Variants in DOCK8 observed in about 807,000 individuals in gnomAD.
DOCK8 encodes dedicator of cytokinesis 8, also known as dedicator of cytokinesis protein 8.
In DOCK8, 141 loss-of-function variants were observed where a neutral mutation model predicts 245.6. The observed-to-expected ratio is 0.57, with a 90% confidence interval of 0.50 to 0.66. DOCK8 has a LOEUF of 0.66. Ranked by LOEUF, DOCK8 falls within the 30% of genes least tolerant of loss-of-function variation. The pLI, the probability that DOCK8 is intolerant of heterozygous loss-of-function variation, is 0.00. For missense variants in DOCK8, 2,965 were observed against 2,603.4 expected (o/e 1.14, Z -3.02); for synonymous variants, 1,168 against 970.2 (o/e 1.20, Z -3.79).
chr9:286,225 G>A (rs889002154), intron 2 of DOCK8, among the ~76,000 whole-genome samples: 10 of 152,136 alleles, frequency 6.6e-5, no homozygotes, highest in South Asian at 2.1e-4. Context: ...GAAAAATTCC[G>A]CCTTGGGGTG....
At chr9:353,821 G>A (rs964212796) in intron 14 of DOCK8, among the ~76,000 whole-genome samples, 5 of 152,130 alleles carry the variant, frequency 3.3e-5, no homozygotes, top group South Asian at 2.1e-4. Flanking sequence ...TCAAAATGTG[G>A]TGCTTTGGGG....
At chr9:277,434 A>G (rs1022543344) in intron 2 of DOCK8, among the ~76,000 whole-genome samples, 13 of 133,672 alleles carry the variant, frequency 9.7e-5, no homozygotes, top group Non-Finnish European at 1.8e-4. Flanking sequence ...CAGAAAAGAA[A>G]AGAGAAGAGA....
intron 44 of DOCK8, 61 bp from the exon 45 acceptor site, chr9:449,723 G>A (rs2057370920): frequency 5.6e-6 from 9 of 1,610,780 alleles, no homozygotes; most frequent in Non-Finnish European, 7.6e-6. Context: ...CATAGCTCCA[G>A]GCTTGTCCAT....
chr9:268,006 C>T (rs1248603339), intron 1 of DOCK8: 2 of 152,214 alleles, frequency 1.3e-5, no homozygotes, highest in African/African-American at 4.8e-5. Flanking sequence ...ACACACAGAG[C>T]CAATATACAA....
At chr9:427,014 G>A in intron 34 of DOCK8, 33 bp downstream of exon 34, 1 of 1,570,968 alleles carries the variant, frequency 6.4e-7, no homozygotes, top group Non-Finnish European at 8.8e-7. Context: ...CTGATTTGTT[G>A]GCCATGAATA....
At chr9:365,939 T>C in intron 14 of DOCK8, 2 of 267,160 alleles carry the variant, frequency 7.5e-6, no homozygotes, top group South Asian at 3.9e-5. Flanking sequence ...AGTGGCTCAG[T>C]CTTACCGACC....
intron 40 of DOCK8, among the ~76,000 whole-genome samples, chr9:439,914 T>C (rs1457939169): frequency 6.6e-6 from 1 of 152,144 alleles, no homozygotes; most frequent in Admixed American, 6.5e-5. Context: ...GAGACTCCTC[T>C]GGTTAACGTA....
At chr9:356,423 C>G (rs200846813) in intron 14 of DOCK8, among the ~76,000 whole-genome samples, 3 of 151,054 alleles carry the variant, frequency 2.0e-5, no homozygotes, top group Non-Finnish European at 4.4e-5. Context: ...CCAGCTACTC[C>G]GGAGGCTGAG....
At chr9:244,963 C>T (rs904567014) in intron 1 of DOCK8, among the ~76,000 whole-genome samples, 1 of 152,144 alleles carries the variant, frequency 6.6e-6, no homozygotes, top group Admixed American at 6.5e-5. Context: ...AGGGGCAGGG[C>T]AGACCACTGG....
chr9:400,349 C>G (rs867783916), intron 26 of DOCK8, among the ~76,000 whole-genome samples: 1 of 79,516 alleles, frequency 1.3e-5, no homozygotes, highest in African/African-American at 4.6e-5. Flanking sequence ...TCCACCACCA[C>G]CACCTCCTCC....
At chr9:290,193 G>A (rs971851781) in intron 4 of DOCK8, among the ~76,000 whole-genome samples, 13 of 152,034 alleles carry the variant, frequency 8.6e-5, no homozygotes, top group East Asian at 5.8e-4. Context: ...CCCCTAGCCC[G>A]TGGGCAACAT....
At chr9:337,146 C>G (rs2051350941) in intron 12 of DOCK8, among the ~76,000 whole-genome samples, 1 of 152,144 alleles carries the variant, frequency 6.6e-6, no homozygotes, top group African/African-American at 2.4e-5. Flanking sequence ...ATGATTCAAT[C>G]ACGTCTTAAA....
At chr9:286,290 C>A (rs955814641) in intron 2 of DOCK8, among the ~76,000 whole-genome samples, 171 bp from the exon 3 acceptor site, 35 of 152,112 alleles carry the variant, frequency 2.3e-4, no homozygotes, top group African/African-American at 7.7e-4. Context: ...CATTTTTTTC[C>A]ATATCACTAC....
chr9:464,323 C>T lies in DOCK8; in HGVS notation c.*104C>T. 1.0e-6 allele frequency: 1 copy of T among 960,168 alleles called. No individual in the cohort carries two copies. The highest frequency in any genetic ancestry group is 1.7e-6 in the Non-Finnish European group (1 of 585,718). The allele number at this position is 960,168 out of a possible 1,614,324, so 59.5% of individuals were successfully genotyped here. On this transcript the variant is annotated 3_prime_UTR_variant, in exon 48 of 48. Coordinates refer to ENST00000432829, the MANE Select transcript of DOCK8 (RefSeq NM_203447.4). ...TTTGCCACCCAGGACTGACTGTACA[C>T]TCCCTGATCAGCCAGCACTCTGGAA...
At position 368,044 on chromosome 9, in the gene DOCK8, G is replaced by C; in HGVS notation, c.1706G>C (p.Arg569Thr). The C allele has an allele frequency of 6.2e-7, 1 of 1,614,108 alleles. No homozygotes were observed. The highest frequency in any genetic ancestry group is 8.5e-7 in the Non-Finnish European group (1 of 1,179,986). Reference sequence around the variant, plus strand: ...AACCTTCTCTATGTCTACCCACAGAGGCTGAACTTTGTAAACAAACTAGCA... The same window carrying C: ...AACCTTCTCTATGTCTACCCACAGACGCTGAACTTTGTAAACAAACTAGCA... ...YRNLLYVYPQ[R>T]LNFVNKLASA... Residue 569 changes from arginine (R) to threonine (T), a missense_variant, in exon 15 of 48, where the codon AGG (arginine) becomes ACG (threonine). Arg to Thr is a moderately conservative substitution (Grantham distance 71). Transcript: ENST00000432829.
At chr9:355,603 A>G (rs2052399876) in intron 14 of DOCK8, among the ~76,000 whole-genome samples, 1 of 152,186 alleles carries the variant, frequency 6.6e-6, no homozygotes, top group Admixed American at 6.5e-5. Context: ...GGAGTCCCTT[A>G]CTAAACCACA....
intron 9 of DOCK8, among the ~76,000 whole-genome samples, chr9:331,270 C>G (rs62533405): frequency 3.9e-5 from 6 of 152,118 alleles, no homozygotes; most frequent in African/African-American, 1.2e-4. Flanking sequence ...TCAAGTGTTA[C>G]GTGCTTATGT....
At chr9:353,339 T>C (rs1274514940) in intron 14 of DOCK8, among the ~76,000 whole-genome samples, 1 of 152,170 alleles carries the variant, frequency 6.6e-6, no homozygotes, top group Non-Finnish European at 1.5e-5. Context: ...TCCAATACTT[T>C]CTTCCCCAAC....
intron 9 of DOCK8, among the ~76,000 whole-genome samples, chr9:329,424 A>G (rs868061756): frequency 8.5e-5 from 13 of 152,152 alleles, no homozygotes; most frequent in South Asian, 2.1e-4. Flanking sequence ...GAGGTCACTT[A>G]ACAGATGGCA....
Sources: gnomAD v4.1 joint callset for allele counts (sites outside exome capture counted in the v4.1 genomes callset) on GRCh38, gnomAD v4.1.1 for gene constraint, MANE v1.5 for transcripts, NCBI Gene and HGNC (gene_info 2026-07-23, HGNC 2026-07-21) for gene names.